Variants in LIPI observed in about 807,000 individuals in gnomAD.
The protein encoded by LIPI is lipase member I.
A neutral mutation model predicts 50.6 loss-of-function variants in LIPI; 59 were observed. The observed-to-expected ratio is 1.16, with a 90% confidence interval of 0.94 to 1.45. The LOEUF (loss-of-function observed/expected upper bound fraction) is 1.45. Among genes scored for constraint, LIPI ranks in the 40% most tolerant of loss-of-function variants. LIPI has a pLI of 0.00. For missense variants in LIPI, 586 were observed against 536.3 expected, an observed-to-expected ratio of 1.09 and a Z score of -0.92; for synonymous variants, 203 against 178.2, an observed-to-expected ratio of 1.14 and a Z score of -1.11.
At chr21:14,128,232 C>T (rs926641601) in intron 9 of LIPI, among the ~76,000 whole-genome samples, 2 of 152,072 alleles carry the variant, frequency 1.3e-5, no homozygotes, top group African/African-American at 4.8e-5. Context: ...ATTACTATCT[C>T]ATAGTTGCAG....
chr21:14,205,564 A>G (rs953881745), intron 1 of LIPI, among the ~76,000 whole-genome samples: 1 of 151,652 alleles, frequency 6.6e-6, no homozygotes, highest in African/African-American at 2.4e-5. Context: ...CCACACACAC[A>G]TCTTTATTGG....
intron 9 of LIPI, among the ~76,000 whole-genome samples, chr21:14,139,320 C>CAATATACTT (rs2017618814): frequency 6.6e-6 from 1 of 152,084 alleles, no homozygotes; most frequent in Admixed American, 6.6e-5. Flanking sequence ...TTCAGTATAA[C>CAATATACTT]TTCAACAATA....
intron 9 of LIPI, among the ~76,000 whole-genome samples, chr21:14,136,600 C>T (rs115608011): frequency 0.027 from 4,154 of 152,034 alleles, 182 homozygotes; most frequent in African/African-American, 0.091. Flanking sequence ...AGTCGCTGAC[C>T]CCTGGATAGT....
intron 9 of LIPI, among the ~76,000 whole-genome samples, chr21:14,115,653 G>C (rs998748153): frequency 2.6e-5 from 4 of 152,142 alleles, no homozygotes; most frequent in Non-Finnish European, 5.9e-5. Flanking sequence ...CAGCCCAGAA[G>C]GAGAACGGTT....
chr21:14,109,592 C>A (rs1366777415), intron 9 of LIPI, among the ~76,000 whole-genome samples: 2 of 152,066 alleles, frequency 1.3e-5, no homozygotes, highest in Non-Finnish European at 2.9e-5. Flanking sequence ...CAAGTCACTG[C>A]AGCACTGTTC....
intron 1 of LIPI, chr21:14,207,035 T>C: frequency 1.3e-6 from 1 of 763,368 alleles, no homozygotes; most frequent in Admixed American, 1.8e-5. Flanking sequence ...ACCCACTTTA[T>C]GCTACGAAGA....
chr21:14,163,053 A>C (rs1015934116), intron 7 of LIPI, among the ~76,000 whole-genome samples: 1 of 150,264 alleles, frequency 6.7e-6, no homozygotes, highest in Non-Finnish European at 1.5e-5. Flanking sequence ...ATATTTATAT[A>C]TTAATAATCT....
intron 7 of LIPI, among the ~76,000 whole-genome samples, chr21:14,159,192 A>G (rs2018379220): frequency 6.6e-6 from 1 of 151,470 alleles, no homozygotes; most frequent in South Asian, 2.1e-4. Context: ...AAAACCAGAC[A>G]AAGACAATAA....
chr21:14,160,501 A>G (rs866196929), intron 7 of LIPI, among the ~76,000 whole-genome samples: 28 of 151,438 alleles, frequency 1.8e-4, no homozygotes, highest in Middle Eastern at 3.4e-3. Context: ...ACTAAATAGA[A>G]ATGGATTTCA....
intron 9 of LIPI, among the ~76,000 whole-genome samples, chr21:14,121,562 A>C (rs938248480): frequency 6.6e-6 from 1 of 152,236 alleles, no homozygotes; most frequent in Non-Finnish European, 1.5e-5. Flanking sequence ...GGGTAAGAGA[A>C]ACAATACCTG....
At chr21:14,196,168 C>G (rs9981050) in intron 1 of LIPI, among the ~76,000 whole-genome samples, 2,457 of 121,694 alleles carry the variant, frequency 0.02, 95 homozygotes, top group African/African-American at 0.072. Flanking sequence ...AAAAAAAAAA[C>G]AAAACAAGAA....
At chr21:14,168,942 A>T (rs559299433) in intron 4 of LIPI, among the ~76,000 whole-genome samples, 1 of 151,394 alleles carries the variant, frequency 6.6e-6, no homozygotes, top group South Asian at 2.1e-4. Flanking sequence ...GTCAAGACCC[A>T]TCAGTGTGCT....
chr21:14,153,229 T>G (rs2018159752), intron 7 of LIPI, among the ~76,000 whole-genome samples: 1 of 152,198 alleles, frequency 6.6e-6, no homozygotes, highest in Non-Finnish European at 1.5e-5. Context: ...GAAAGGATGC[T>G]GAACTCACTT....
chr21:14,189,096 T>G lies in LIPI; in HGVS notation c.370A>C (p.Arg124=). 1.2e-6 allele frequency: 2 copies of G among 1,612,424 alleles called. No individual in the cohort carries two copies. The highest frequency in any genetic ancestry group is 8.5e-7 in the Non-Finnish European group (1 of 1,179,898). Reference sequence around the variant, plus strand: ...ACTTTTCTGGTGTTTTTAACTGCTCTATTATAAATAAAAGTTGTAGCACCC... The same window carrying G: ...ACTTTTCTGGTGTTTTTAACTGCTCGATTATAAATAAAAGTTGTAGCACCC... ...SRGATTFIYN[R]AVKNTRKVAV... is the part of the protein sequence containing the mutation. Residue 124 remains arginine (R), a synonymous_variant, in exon 2 of 10, where the codon AGA becomes CGA. Transcript: ENST00000681601.
chr21:14,184,312 A>G (rs1189243810), intron 3 of LIPI, among the ~76,000 whole-genome samples: 1 of 151,566 alleles, frequency 6.6e-6, no homozygotes, highest in Admixed American at 6.6e-5. Flanking sequence ...AACATCACAC[A>G]CTGGGGACTG....
intron 1 of LIPI, among the ~76,000 whole-genome samples, chr21:14,202,475 C>G (rs2020090173): frequency 6.6e-6 from 1 of 152,054 alleles, no homozygotes; most frequent in African/African-American, 2.4e-5. Context: ...GTACTGGTAC[C>G]AAAACAGAGA....
At chr21:14,133,309 G>A (rs984774653) in intron 9 of LIPI, among the ~76,000 whole-genome samples, 13 of 152,204 alleles carry the variant, frequency 8.5e-5, no homozygotes, top group African/African-American at 3.1e-4. Context: ...GGGATTTATT[G>A]CAGGGATGCA....
At chr21:14,118,005 G>A (rs1411047585) in intron 9 of LIPI, among the ~76,000 whole-genome samples, 2 of 151,890 alleles carry the variant, frequency 1.3e-5, no homozygotes, top group Non-Finnish European at 2.9e-5. Context: ...GACAGGTCAG[G>A]AAGGTCAGCC....
intron 9 of LIPI, chr21:14,143,967 G>T (rs2017809976): frequency 1.2e-5 from 2 of 173,582 alleles, no homozygotes. Flanking sequence ...ATAGGAATGG[G>T]GATATTTGTG....
Sources: gnomAD v4.1 joint callset for allele counts (sites outside exome capture counted in the v4.1 genomes callset) on GRCh38, gnomAD v4.1.1 for gene constraint, MANE v1.5 for transcripts, NCBI Gene and HGNC (gene_info 2026-07-23, HGNC 2026-07-21) for gene names.